ATP9A: variants seen among roughly 807,000 people sequenced by gnomAD.
The protein encoded by ATP9A is ATPase phospholipid transporting 9A, also known as probable phospholipid-transporting ATPase IIA.
ATP9A carries 52 observed loss-of-function variants against 144.1 expected under a neutral mutation model. The ratio of observed to expected loss-of-function variants is 0.36; its 90% CI spans 0.29 to 0.45. The LOEUF (loss-of-function observed/expected upper bound fraction) is 0.45. ATP9A is among the 20% of genes least tolerant of loss of function. ATP9A has a pLI of 1.00. For synonymous variants in ATP9A, 582 were observed against 557.4 expected (o/e 1.04, Z -0.62); for missense variants, 947 against 1,392.7 (o/e 0.68, Z 5.09).
intron 24 of ATP9A, 110 bp from the exon 25 acceptor site, chr20:51,608,736 G>A: frequency 1.4e-6 from 1 of 728,330 alleles, no homozygotes; most frequent in South Asian, 1.6e-5. Flanking sequence ...AATATTTACT[G>A]CTTGTCTATT....
At chr20:51,745,005 G>A (rs2077801650) in intron 1 of ATP9A, among the ~76,000 whole-genome samples, 1 of 151,878 alleles carries the variant, frequency 6.6e-6, no homozygotes. Context: ...GCCGGGTGCA[G>A]TGGCTGACTC....
At chr20:51,680,039 G>A (rs1213441596) in intron 9 of ATP9A, among the ~76,000 whole-genome samples, 1 of 151,918 alleles carries the variant, frequency 6.6e-6, no homozygotes, top group Non-Finnish European at 1.5e-5. Flanking sequence ...AGACCAGCCT[G>A]GCCAACATGG....
chr20:51,639,188 C>T (rs551936300), intron 15 of ATP9A, among the ~76,000 whole-genome samples, 155 bp downstream of exon 15: 7 of 152,276 alleles, frequency 4.6e-5, no homozygotes, highest in African/African-American at 1.7e-4. Flanking sequence ...AATGAATGAA[C>T]TAATTTCCTT....
intron 9 of ATP9A, among the ~76,000 whole-genome samples, chr20:51,676,909 C>A (rs891904536): frequency 1.3e-5 from 2 of 149,182 alleles, no homozygotes; most frequent in Non-Finnish European, 3.0e-5. Context: ...AGCCACCACG[C>A]CCAGTCTCTT....
rs2077213504 is a variant in ATP9A, at chr20:51,618,706, A to G, written c.2306T>C (p.Val769Ala). ...RCAPTQKAQI[V>A]RLLQERTGKL... is the part of the protein sequence containing the mutation. Reference sequence around the variant, plus strand: ...GCCCGTGCGCTCCTGAAGCAGGCGCACGATCTGGGCCTTCTGGGTGGGGGC... The same window carrying G: ...GCCCGTGCGCTCCTGAAGCAGGCGCGCGATCTGGGCCTTCTGGGTGGGGGC... Residue 769 changes from valine to alanine, a missense_variant, in exon 21 of 28, where the codon GTG (valine) becomes GCG (alanine). This residue lies in a region of ATP9A where 770 missense variants were observed against 1,047.9 expected (regional missense o/e 0.73). Coordinates refer to ENST00000338821, the MANE Select transcript of ATP9A (RefSeq NM_006045.3). 6.2e-7 allele frequency: 1 copy of G among 1,613,464 alleles called. No homozygotes were observed.
intron 14 of ATP9A, among the ~76,000 whole-genome samples, chr20:51,645,672 A>G (rs2077339376): frequency 6.6e-6 from 1 of 152,196 alleles, no homozygotes; most frequent in South Asian, 2.1e-4. Context: ...ATTTAAAGCT[A>G]CTTTCTAACA....
chr20:51,713,854 G>C (rs370636142), intron 3 of ATP9A, among the ~76,000 whole-genome samples: 1 of 152,172 alleles, frequency 6.6e-6, no homozygotes, highest in African/African-American at 2.4e-5. Flanking sequence ...AAGGAGACTA[G>C]AATTAGGATA....
In ATP9A at chr20:51,765,874, T is replaced by C. The variant is rs2077901738; in HGVS notation, c.68+2428A>G. Among the ~76,000 whole-genome samples, 4 of 152,056 alleles carry C rather than the reference T, an allele frequency of 2.6e-5. No individual in the cohort carries two copies. The South Asian group carries it at 6.2e-4, about 24-fold the overall frequency. ...TGGGAAGCTGAGGCAGAAGAATCGC[T>C]TGAACCCAGGAGGCAGAGGTTGCAG... On this transcript the variant is annotated intron_variant, in intron 1 of 27. Transcript: ENST00000338821.
chr20:51,649,813 T>G (rs1232813387), intron 14 of ATP9A, among the ~76,000 whole-genome samples: 1 of 149,886 alleles, frequency 6.7e-6, no homozygotes, highest in East Asian at 2.0e-4. Context: ...ACTTGGGAGG[T>G]GAGGCAAGAG....
intron 4 of ATP9A, among the ~76,000 whole-genome samples, chr20:51,700,023 T>C (rs1159651401): frequency 2.6e-5 from 4 of 152,142 alleles, no homozygotes; most frequent in African/African-American, 9.7e-5. Context: ...TTCTGGACTC[T>C]CCTAGTGTGA....
At chr20:51,618,915 C>T in intron 20 of ATP9A, 39 bp downstream of exon 20, 1 of 1,610,388 alleles carries the variant, frequency 6.2e-7, no homozygotes, top group East Asian at 2.2e-5. Context: ...AAGACCCAGG[C>T]TGCTGGGAGG....
chr20:51,628,122 C>T (rs1014735710), intron 16 of ATP9A, among the ~76,000 whole-genome samples: 10 of 152,292 alleles, frequency 6.6e-5, no homozygotes, highest in East Asian at 1.9e-4. Flanking sequence ...ACGTTTTACA[C>T]GCAAAGTGCA....
At position 51,601,188 on chromosome 20, in the gene ATP9A, G is replaced by T. The variant is rs926755881; in HGVS notation, c.*23C>A. The T allele has an allele frequency of 6.3e-7, 1 of 1,579,742 alleles. No homozygotes were observed. Among genetic ancestry groups the T allele is most frequent in the African/African-American group, 1.4e-5 (1 of 73,776 alleles). Reference sequence around the variant, plus strand: ...CCATCAGGGAAGCGCCAAGACCAGGGCCCCCTCCAGCGAACGCACGGCCTA... The same window carrying T: ...CCATCAGGGAAGCGCCAAGACCAGGTCCCCCTCCAGCGAACGCACGGCCTA... On this transcript the variant is annotated 3_prime_UTR_variant, in exon 28 of 28. Coordinates refer to ENST00000338821, the MANE Select transcript of ATP9A (RefSeq NM_006045.3).
At position 51,768,285 on chromosome 20, in the gene ATP9A, G is replaced by C; in HGVS notation, c.68+17C>G. ...GGAGGCGCGGACAAAGGAAAACACG[G>C]GCCCAGGCCCACTCACCCGGCGCGG... is the stretch of plus-strand genomic sequence containing the variant. On this transcript the variant is annotated intron_variant, in intron 1 of 27. Transcript: ENST00000338821. 2.4e-6 allele frequency: 3 copies of C among 1,270,988 alleles called. No individual in the cohort carries two copies. Among genetic ancestry groups the C allele is most frequent in the Non-Finnish European group, 2.0e-6 (2 of 1,001,112 alleles). The allele number at this position is 1,270,988 out of a possible 1,614,324, so 78.7% of individuals were successfully genotyped here.
chr20:51,661,900 A>G (rs2077412382), intron 13 of ATP9A, among the ~76,000 whole-genome samples: 1 of 152,206 alleles, frequency 6.6e-6, no homozygotes, highest in Non-Finnish European at 1.5e-5. Flanking sequence ...ACACAAAGTC[A>G]ATAAATTTAA....
chr20:51,749,326 G>A (rs1034514890), intron 1 of ATP9A, among the ~76,000 whole-genome samples: 4 of 151,994 alleles, frequency 2.6e-5, no homozygotes, highest in Non-Finnish European at 4.4e-5. Flanking sequence ...GCAGTGGTGC[G>A]ATCTCGGCTC....
intron 1 of ATP9A, among the ~76,000 whole-genome samples, chr20:51,752,187 G>A (rs1482817502): frequency 2.6e-5 from 4 of 152,286 alleles, no homozygotes; most frequent in South Asian, 4.1e-4. Context: ...AGCAGCTTAC[G>A]AGCTGTGGGA....
chr20:51,627,566 G>A (rs756939827), intron 17 of ATP9A, 34 bp downstream of exon 17: 2 of 1,589,912 alleles, frequency 1.3e-6, no homozygotes, highest in Admixed American at 1.7e-5. Context: ...AGGTGGGGCT[G>A]CAAAGGCAAT....
At chr20:51,640,198 T>A (rs937317772) in intron 14 of ATP9A, among the ~76,000 whole-genome samples, 3 of 151,964 alleles carry the variant, frequency 2.0e-5, no homozygotes, top group African/African-American at 7.2e-5. Context: ...AGGAAGAGAA[T>A]GCTGACTGAC....
Sources: gnomAD v4.1 joint callset for allele counts (sites outside exome capture counted in the v4.1 genomes callset) on GRCh38, gnomAD v4.1.1 for gene constraint, gnomAD v4.1.1 regional missense constraint, MANE v1.5 for transcripts, NCBI Gene and HGNC (gene_info 2026-07-23, HGNC 2026-07-21) for gene names.